Variants in CEP83 observed in about 807,000 individuals in gnomAD.
CEP83 encodes centrosomal protein 83, also known as centrosomal protein of 83 kDa.
CEP83 carries 70 observed loss-of-function variants against 101.9 expected under a neutral mutation model. The ratio of observed to expected loss-of-function variants is 0.69; its 90% CI spans 0.57 to 0.84. The LOEUF (loss-of-function observed/expected upper bound fraction) is 0.84. CEP83 is among the 40% of genes least tolerant of loss of function. The probability of loss-of-function intolerance (pLI) is 0.00; values close to 1 mark genes in which losing one functional copy is unlikely to be tolerated. For missense variants in CEP83, 715 were observed against 787.2 expected, an observed-to-expected ratio of 0.91 and a Z score of 1.10; for synonymous variants, 264 against 267.9, an observed-to-expected ratio of 0.99 and a Z score of 0.14.
chr12:94,296,449 C>G, the CEP83 span, among the ~76,000 whole-genome samples: 1 of 152,228 alleles, frequency 6.6e-6, no homozygotes, highest in Non-Finnish European at 1.5e-5. Flanking sequence ...ATGTGAGCCA[C>G]TGAGCCTCTC....
the CEP83 span, among the ~76,000 whole-genome samples, chr12:94,270,997 A>C: frequency 6.6e-6 from 1 of 152,128 alleles, no homozygotes; most frequent in African/African-American, 2.4e-5. Context: ...AGAAGCTTAG[A>C]TCAGAAGTTT....
Position 94,407,924 on chromosome 12 carries a change from T to A in CEP83, c.324+3773A>T, listed in dbSNP as rs189862409. ...ACCTCCGCCTCCAGGTTCAAACAATTCTCATGCCTCACCCTCCTGAGCAGC... is the reference window on the plus strand; with the variant it reads ...ACCTCCGCCTCCAGGTTCAAACAATACTCATGCCTCACCCTCCTGAGCAGC... On this transcript the variant is annotated intron_variant, in intron 4 of 16. Transcript: ENST00000397809. The A allele has an allele frequency of 5.2e-3, 794 of 152,498 alleles. 7 individuals carry two copies. The highest frequency in any genetic ancestry group is 7.7e-3 in the Non-Finnish European group (526 of 68,198). 9.4% of individuals were successfully genotyped at this position (152,498 alleles called of 1,614,324 possible). A position where few individuals can be genotyped will look rare whatever the true frequency, so the allele number is the denominator to read the frequency against.
At chr12:94,423,444 C>T (rs1163397451) in intron 2 of CEP83, among the ~76,000 whole-genome samples, 2 of 139,010 alleles carry the variant, frequency 1.4e-5, no homozygotes, top group Non-Finnish European at 3.1e-5. Context: ...TGCACCAGAC[C>T]AATCTGGTTC....
At chr12:94,353,772 T>A (rs1593350412) in intron 11 of CEP83, among the ~76,000 whole-genome samples, 1 of 144,330 alleles carries the variant, frequency 6.9e-6, no homozygotes. Context: ...AAACCAAAAA[T>A]GAACAGAAGC....
chr12:94,450,294 T>C (rs969125176), intron 1 of CEP83, among the ~76,000 whole-genome samples: 3 of 152,182 alleles, frequency 2.0e-5, no homozygotes, highest in Non-Finnish European at 4.4e-5. Context: ...CTCTGTCTTC[T>C]AGGCTGGAGT....
chr12:94,438,428 A>G (rs945451307), intron 1 of CEP83, among the ~76,000 whole-genome samples: 2 of 152,306 alleles, frequency 1.3e-5, no homozygotes, highest in African/African-American at 2.4e-5. Context: ...CTTTAAAGCA[A>G]CATCAGTTTA....
At chr12:94,338,098 G>C (rs1842038960) in intron 11 of CEP83, among the ~76,000 whole-genome samples, 1 of 152,208 alleles carries the variant, frequency 6.6e-6, no homozygotes, top group African/African-American at 2.4e-5. Flanking sequence ...TCTTTGAAGT[G>C]ATCAGTTCTA....
intron 2 of CEP83, among the ~76,000 whole-genome samples, chr12:94,420,656 C>A (rs2064661099): frequency 6.6e-6 from 1 of 152,034 alleles, no homozygotes; most frequent in African/African-American, 2.4e-5. Context: ...CAAGATAATT[C>A]TTCTTCCAGT....
intron 1 of CEP83, among the ~76,000 whole-genome samples, chr12:94,448,519 C>T (rs543762516): frequency 6.6e-6 from 1 of 152,026 alleles, no homozygotes; most frequent in Non-Finnish European, 1.5e-5. Flanking sequence ...TTCCAGGATA[C>T]ACCACATACT....
chr12:94,298,562 T>G, the CEP83 span: 3 of 1,231,598 alleles, frequency 2.4e-6, no homozygotes, highest in South Asian at 4.4e-5. Context: ...GGATTTGCTT[T>G]TGCTATTATG....
chr12:94,283,968 A>G, the CEP83 span, among the ~76,000 whole-genome samples: 3 of 152,056 alleles, frequency 2.0e-5, no homozygotes, highest in African/African-American at 7.2e-5. Context: ...CTGTAATCCC[A>G]GCTACTTGGG....
intron 11 of CEP83, among the ~76,000 whole-genome samples, chr12:94,344,960 T>A (rs969443130): frequency 5.3e-5 from 8 of 152,142 alleles, no homozygotes; most frequent in African/African-American, 1.7e-4. Context: ...GATACTGGTG[T>A]AAAGACAAGA....
At chr12:94,404,804 C>A (rs1041482592) in intron 4 of CEP83, among the ~76,000 whole-genome samples, 1 of 152,104 alleles carries the variant, frequency 6.6e-6, no homozygotes, top group Non-Finnish European at 1.5e-5. Flanking sequence ...TTTATTGAAG[C>A]AATCATTGTC....
chr12:94,405,084 G>C (rs2063463006), intron 4 of CEP83, among the ~76,000 whole-genome samples: 1 of 152,096 alleles, frequency 6.6e-6, no homozygotes, highest in Non-Finnish European at 1.5e-5. Flanking sequence ...GTCATAATCT[G>C]GTTTACGGTA....
At chr12:94,346,207 G>A (rs1015239033) in intron 11 of CEP83, among the ~76,000 whole-genome samples, 15 of 151,850 alleles carry the variant, frequency 9.9e-5, no homozygotes, top group Admixed American at 2.6e-4. Context: ...CTGCCACCAC[G>A]CCCAACTAAT....
chr12:94,298,770 G>C, the CEP83 span: 3 of 1,611,148 alleles, frequency 1.9e-6, no homozygotes. Flanking sequence ...AGATCCTGAC[G>C]TCGTACATAT....
At position 94,309,922 on chromosome 12, in the gene CEP83, A is replaced by G; in HGVS notation, c.1997T>C (p.Met666Thr). 6.4e-7 allele frequency: 1 copy of G among 1,569,682 alleles called. No homozygotes were observed. The highest frequency in any genetic ancestry group is 1.2e-5 in the South Asian group (1 of 85,146). The change falls in exon 16 of 17, where the codon ATG becomes ACG. Residue 666 changes from methionine (M) to threonine (T), a missense_variant. Met to Thr is a moderately conservative substitution (Grantham distance 81). Coordinates refer to ENST00000397809, the MANE Select transcript of CEP83 (RefSeq NM_016122.3). ...CCCTAAAATAAATGCTCATACCTGC[A>G]TATGAGGAGGAAATGGTAGTTCCAT... ...PSMELPFPPH[M>T]QEEQHQRELS...
At chr12:94,316,008 T>C (rs1970628712) in intron 14 of CEP83, among the ~76,000 whole-genome samples, 1 of 152,180 alleles carries the variant, frequency 6.6e-6, no homozygotes, top group Non-Finnish European at 1.5e-5. Flanking sequence ...CAGATGAATT[T>C]TAGAATCTAC....
At chr12:94,442,051 T>C (rs1056354239) in intron 1 of CEP83, among the ~76,000 whole-genome samples, 10 of 151,894 alleles carry the variant, frequency 6.6e-5, no homozygotes, top group Admixed American at 2.0e-4. Flanking sequence ...TAGCAGCACA[T>C]TTGCAACTGC....
Sources: gnomAD v4.1 joint callset for allele counts (sites outside exome capture counted in the v4.1 genomes callset) on GRCh38, gnomAD v4.1.1 for gene constraint, MANE v1.5 for transcripts, NCBI Gene and HGNC (gene_info 2026-07-23, HGNC 2026-07-21) for gene names.